The following INSYN2A variants were observed in gnomAD, a reference collection of about 807,000 sequenced individuals.
The protein encoded by INSYN2A is family with sequence similarity 196 member A.
In INSYN2A, 17 loss-of-function variants were observed where a neutral mutation model predicts 39.4. The ratio of observed to expected loss-of-function variants is 0.43; its 90% CI spans 0.30 to 0.65. The LOEUF (loss-of-function observed/expected upper bound fraction) is 0.65, where lower values mean the gene tolerates loss of function less well. Among genes scored for constraint, INSYN2A ranks in the 30% least tolerant of loss-of-function variants. The pLI is 0.14. For missense variants in INSYN2A, 595 were observed against 631.2 expected, an observed-to-expected ratio of 0.94 and a Z score of 0.61; for synonymous variants, 255 against 265.7, an observed-to-expected ratio of 0.96 and a Z score of 0.39.
At chr10:127,156,549 TC>T (rs1564849297) in intron 4 of INSYN2A, among the ~76,000 whole-genome samples, 20 of 93,140 alleles carry the variant, frequency 2.1e-4, no homozygotes, top group African/African-American at 7.1e-4. Context: ...TTCTTCTTCT[TC>T]TTCTTCTTCT....
At chr10:127,142,356 T>TCAGGAGG (rs1189066237) in intron 5 of INSYN2A, among the ~76,000 whole-genome samples, 9 of 152,118 alleles carry the variant, frequency 5.9e-5, no homozygotes, top group Non-Finnish European at 1.3e-4. Flanking sequence ...CTCCAGCAGC[T>TCAGGAGG]CAGGAGGCAG....
chr10:127,141,676 CAAAAA>C (rs796870030), intron 5 of INSYN2A, among the ~76,000 whole-genome samples: 1 of 139,910 alleles, frequency 7.1e-6, no homozygotes, highest in African/African-American at 2.7e-5. Context: ...GTCTTTAAAA[CAAAAA>C]AAAAAAAAAA....
chr10:127,168,880 C>G (rs76797777), intron 4 of INSYN2A, among the ~76,000 whole-genome samples: 53 of 152,298 alleles, frequency 3.5e-4, no homozygotes, highest in African/African-American at 1.2e-3. Flanking sequence ...AAATAGTCCC[C>G]TTATGCTTCC....
At chr10:127,138,133 T>C in intron 5 of INSYN2A, 113 bp from the exon 6 acceptor site, 1 of 942,712 alleles carries the variant, frequency 1.1e-6, no homozygotes, top group South Asian at 1.8e-5. Context: ...TGTAATTTTA[T>C]GGTTTAATAA....
intron 2 of INSYN2A, among the ~76,000 whole-genome samples, chr10:127,179,047 A>G (rs538640259): frequency 6.6e-5 from 10 of 152,290 alleles, no homozygotes; most frequent in African/African-American, 2.4e-4. Context: ...TACTAGGGAA[A>G]ATTTGAAAGA....
At chr10:127,150,472 G>A (rs1204395497) in intron 5 of INSYN2A, among the ~76,000 whole-genome samples, 1 of 152,200 alleles carries the variant, frequency 6.6e-6, no homozygotes, top group African/African-American at 2.4e-5. Flanking sequence ...CTTAGCTGAT[G>A]TGCTAGATTA....
intron 2 of INSYN2A, among the ~76,000 whole-genome samples, chr10:127,186,639 CAT>C (rs2056300828): frequency 6.6e-6 from 1 of 151,298 alleles, no homozygotes; most frequent in African/African-American, 2.4e-5. Flanking sequence ...GGGGCATAAA[CAT>C]ATGAATGAAA....
intron 5 of INSYN2A, among the ~76,000 whole-genome samples, chr10:127,144,323 C>T (rs1377140677): frequency 6.6e-6 from 1 of 152,216 alleles, no homozygotes; most frequent in Non-Finnish European, 1.5e-5. Context: ...CATCCACACA[C>T]CTCTGGGATG....
intron 5 of INSYN2A, chr10:127,146,227 C>T (rs2051837921): frequency 1.2e-5 from 3 of 255,232 alleles, no homozygotes; most frequent in Non-Finnish European, 2.3e-5. Context: ...CTGGGACTAT[C>T]AGTATAATTA....
At chr10:127,156,455 T>C (rs2053054465) in intron 4 of INSYN2A, among the ~76,000 whole-genome samples, 1 of 152,174 alleles carries the variant, frequency 6.6e-6, no homozygotes, top group Non-Finnish European at 1.5e-5. Flanking sequence ...AAGAGGAATC[T>C]TCCAGGACCT....
chr10:127,189,972 C>T (rs1192763519), intron 2 of INSYN2A, among the ~76,000 whole-genome samples: 1 of 152,208 alleles, frequency 6.6e-6, no homozygotes, highest in Non-Finnish European at 1.5e-5. Context: ...CTCCTTCTCT[C>T]ATGCTGGCCC....
chr10:127,168,179 C>T (rs1037698713), intron 4 of INSYN2A, among the ~76,000 whole-genome samples: 1 of 152,190 alleles, frequency 6.6e-6, no homozygotes, highest in Non-Finnish European at 1.5e-5. Context: ...CCACCCTATC[C>T]CTCTCCTGAA....
chr10:127,147,471 T>G (rs1182118856), intron 5 of INSYN2A, among the ~76,000 whole-genome samples: 1 of 152,134 alleles, frequency 6.6e-6, no homozygotes, highest in Non-Finnish European at 1.5e-5. Context: ...CTCGCCTGCC[T>G]TTTACGTCCT....
At position 127,176,046 on chromosome 10, in the gene INSYN2A, G is replaced by A. The variant is rs117242435; in HGVS notation, c.350C>T (p.Thr117Met). 17 of 1,614,148 alleles carry A rather than the reference G, an allele frequency of 1.1e-5. No homozygotes were observed. The highest frequency in any genetic ancestry group is 1.6e-4 in the Middle Eastern group (1 of 6,062). ...CCCCTTTTTGCGGTCCAGAGGGAACGTCTGGTAACACTTCTTAAGGTCGGG... is the reference window on the plus strand; with the variant it reads ...CCCCTTTTTGCGGTCCAGAGGGAACATCTGGTAACACTTCTTAAGGTCGGG... ...TSPDLKKCYQ[T>M]FPLDRKKGNL... Residue 117 changes from threonine to methionine, a missense_variant, in exon 4 of 6, where the codon ACG (threonine) becomes ATG (methionine). By Grantham distance (81) the Thr-to-Met change is moderately conservative. Around this residue, in one of 2 missense-constraint regions of INSYN2A, gnomAD observed 478 missense variants for 467.4 expected, o/e 1.02. Coordinates refer to ENST00000522781, the MANE Select transcript of INSYN2A (RefSeq NM_001039762.3). The surrounding 1 kb of genome is among the most constrained non-coding windows in gnomAD (Gnocchi z 4.4).
chr10:127,147,834 C>G (rs2133400225), intron 5 of INSYN2A, among the ~76,000 whole-genome samples: 1 of 151,700 alleles, frequency 6.6e-6, no homozygotes, highest in South Asian at 2.1e-4. Flanking sequence ...AGTTTGAGAA[C>G]AGCCTGGCCA....
chr10:127,152,974 C>A (rs547243143), intron 5 of INSYN2A, among the ~76,000 whole-genome samples: 2 of 152,264 alleles, frequency 1.3e-5, no homozygotes, highest in South Asian at 2.1e-4. Context: ...GATTGTGTAG[C>A]CTCAAGCCTC....
rs1589893328 is a variant in INSYN2A, at chr10:127,196,482, T to G, written c.-880A>C. Among the ~76,000 whole-genome samples, 4 of 148,200 alleles carry G rather than the reference T, an allele frequency of 2.7e-5. No individual in the cohort carries two copies. The South Asian group carries it at 8.3e-4, about 31-fold the overall frequency. On this transcript the variant is annotated 5_prime_UTR_variant, in exon 1 of 6. Coordinates refer to ENST00000522781, the MANE Select transcript of INSYN2A (RefSeq NM_001039762.3). ...GGAGCAGGAGGGAAGTCCTTTCCGCTGCTCCAGGTCCCAGCTACTCCGCGG... is the reference window on the plus strand; with the variant it reads ...GGAGCAGGAGGGAAGTCCTTTCCGCGGCTCCAGGTCCCAGCTACTCCGCGG...
intron 2 of INSYN2A, among the ~76,000 whole-genome samples, chr10:127,182,126 C>T (rs780276460): frequency 1.4e-4 from 22 of 152,056 alleles, no homozygotes; most frequent in Non-Finnish European, 2.1e-4. Context: ...CGCCCCGTTC[C>T]CTCGATGTGT....
In INSYN2A at chr10:127,167,924, G is replaced by T. The variant is rs561688131; in HGVS notation, c.1184+7288C>A. ...CTCCCTGAATCTTAGCACTTGGAGG[G>T]TTGCTTCCCAGTAGCAAAGTAACCT... On this transcript the variant is annotated intron_variant, in intron 4 of 5. Transcript: ENST00000522781. 7.2e-5 allele frequency among the ~76,000 whole-genome samples: 11 copies of T among 152,294 alleles called. No individual in the cohort carries two copies. The South Asian group carries it at 2.1e-3, about 29-fold the overall frequency.
Sources: gnomAD v4.1 joint callset for allele counts (sites outside exome capture counted in the v4.1 genomes callset) on GRCh38, gnomAD v4.1.1 for gene constraint, gnomAD v4.1.1 regional missense constraint, Gnocchi (gnomAD v3.1) non-coding constraint, MANE v1.5 for transcripts, NCBI Gene and HGNC (gene_info 2026-07-23, HGNC 2026-07-21) for gene names.